BRD3: variants seen among roughly 807,000 people sequenced by gnomAD.
BRD3 encodes the protein bromodomain-containing protein 3.
BRD3 carries 17 observed loss-of-function variants against 66.8 expected under a neutral mutation model. That is an observed-to-expected ratio of 0.25 (90% CI 0.17 to 0.38). The LOEUF (loss-of-function observed/expected upper bound fraction) is 0.38, where lower values mean the gene tolerates loss of function less well. Ranked by LOEUF, BRD3 falls within the 10% of genes least tolerant of loss-of-function variation. BRD3 has a pLI of 1.00. For missense variants in BRD3, 713 were observed against 956.1 expected (o/e 0.75, Z 3.35); for synonymous variants, 421 against 393.2 (o/e 1.07, Z -0.84).
chr9:134,055,050 G>A (rs1830387205), intron 1 of BRD3, among the ~76,000 whole-genome samples: 1 of 152,106 alleles, frequency 6.6e-6, no homozygotes. Context: ...GTGAGCGGGT[G>A]CCTCTCCACC....
chr9:134,067,911 C>G (rs1830706327), intron 1 of BRD3, 34 bp downstream of exon 1: 3 of 145,614 alleles, frequency 2.1e-5, no homozygotes, highest in African/African-American at 7.4e-5. Context: ...CGCCCGCCGC[C>G]CCGCGCGCGC....
chr9:134,063,107 AG>A (rs1830578656), intron 1 of BRD3, among the ~76,000 whole-genome samples: 1 of 152,224 alleles, frequency 6.6e-6, no homozygotes, highest in Non-Finnish European at 1.5e-5. Flanking sequence ...AGCCAGGACA[AG>A]GGGCCAGCAG....
At chr9:134,040,377 A>G in intron 8 of BRD3, 108 bp from the exon 9 acceptor site, 1 of 1,302,360 alleles carries the variant, frequency 7.7e-7, no homozygotes, top group Non-Finnish European at 1.0e-6. Flanking sequence ...GAGCTGCCTC[A>G]GCTGGGTGAG....
In BRD3 at chr9:134,048,060, G is replaced by C. The variant is rs763855022; in HGVS notation, c.1086+23C>G. 5.2e-6 allele frequency: 8 copies of C among 1,542,378 alleles called. No homozygotes were observed. The South Asian group carries it at 1.0e-4, about 19-fold the overall frequency. ...AGAGCCGCAGGACATGGGCAGAGCA[G>C]GGCCTGCCGCGCGGCCACGTACTTT... On this transcript the variant is annotated intron_variant, in intron 6 of 11. Coordinates refer to ENST00000303407, the MANE Select transcript of BRD3 (RefSeq NM_007371.4).
chr9:134,045,391 C>G lies in BRD3; in HGVS notation c.1117G>C (p.Ala373Pro). 6.2e-7 allele frequency: 1 copy of G among 1,613,638 alleles called. No individual in the cohort carries two copies. The highest frequency in any genetic ancestry group is 8.5e-7 in the Non-Finnish European group (1 of 1,179,992). The change falls in exon 7 of 12, where the codon GCA (alanine) becomes CCA (proline). Residue 373 changes from alanine (A) to proline (P), a missense_variant. Physicochemically the swap from Ala to Pro is conservative, Grantham distance 27. Transcript: ENST00000303407. This position sits in a 1 kb window ranked among gnomAD's most constrained non-coding sequence, Gnocchi z 4.8. ...RKMDGREYPD[A>P]QGFAADVRLM... Reference sequence around the variant, plus strand: ...CGGACATCAGCAGCAAAGCCCTGTGCGTCTGGGTACTCTCGGCCATCCATC... The same window carrying G: ...CGGACATCAGCAGCAAAGCCCTGTGGGTCTGGGTACTCTCGGCCATCCATC...
At chr9:134,060,621 C>CAT (rs1491215754) in intron 1 of BRD3, among the ~76,000 whole-genome samples, 5 of 148,092 alleles carry the variant, frequency 3.4e-5, no homozygotes, top group Middle Eastern at 3.2e-3. Flanking sequence ...CACACACACA[C>CAT]GATCTGGAAT....
At position 134,033,818 on chromosome 9, in the gene BRD3, C is replaced by T; in HGVS notation, c.2066-113G>A. 1 of 599,382 alleles carries T rather than the reference C, an allele frequency of 1.7e-6. No individual in the cohort carries two copies. Among genetic ancestry groups the T allele is most frequent in the Non-Finnish European group, 3.0e-6 (1 of 333,632 alleles). 37.1% of individuals were successfully genotyped at this position (599,382 alleles called of 1,614,324 possible). A position where few individuals can be genotyped will look rare whatever the true frequency, so the allele number is the denominator to read the frequency against. Reference sequence around the variant, plus strand: ...CACACTGGGTGCCACGACCCACCCACTTCCTGACCCAGTCGTTTAATAAGT... The same window carrying T: ...CACACTGGGTGCCACGACCCACCCATTTCCTGACCCAGTCGTTTAATAAGT... On this transcript the variant is annotated intron_variant, in intron 11 of 11. Coordinates refer to ENST00000303407, the MANE Select transcript of BRD3 (RefSeq NM_007371.4). The surrounding 1 kb of genome is among the most constrained non-coding windows in gnomAD (Gnocchi z 5.1).
At chr9:134,066,073 C>A (rs1258506051) in intron 1 of BRD3, among the ~76,000 whole-genome samples, 1 of 152,140 alleles carries the variant, frequency 6.6e-6, no homozygotes, top group Non-Finnish European at 1.5e-5. Flanking sequence ...AAAAACAAAA[C>A]AAAAATAAAA....
intron 7 of BRD3, among the ~76,000 whole-genome samples, chr9:134,043,047 G>A (rs942413481): frequency 2.0e-5 from 3 of 152,110 alleles, no homozygotes; most frequent in African/African-American, 7.2e-5. Context: ...CACCATGTTG[G>A]CCAGGCTGTT....
rs1406643525 is a variant in BRD3, at chr9:134,051,891, T to G, written c.352-182A>C. On this transcript the variant is annotated intron_variant, in intron 3 of 11. Transcript: ENST00000303407. Reference sequence around the variant, plus strand: ...TGTGTGTGTGTGTTGTTTTTTTTGTTTTTTTTTTTTTTTTTTTGAGATGGA... The same window carrying G: ...TGTGTGTGTGTGTTGTTTTTTTTGTGTTTTTTTTTTTTTTTTTGAGATGGA... Among the ~76,000 whole-genome samples, 94 of 101,326 alleles carry G rather than the reference T, an allele frequency of 9.3e-4. 2 individuals are homozygous for G. The highest frequency in any genetic ancestry group is 1.4e-3 in the Non-Finnish European group (72 of 52,422). 66.5% of individuals were successfully genotyped at this position (101,326 alleles called of 152,430 possible). A position where few individuals can be genotyped will look rare whatever the true frequency, so the allele number is the denominator to read the frequency against.
rs1394679350 is a variant in BRD3 at position 134,030,505 on chromosome 9, G to C, written c.*3085C>G. ...AACTGACATTTACAGGAATATACTA[G>C]AAACGGCACTAAAAAGTTTAAGAAA... On this transcript the variant is annotated 3_prime_UTR_variant, in exon 12 of 12. Transcript: ENST00000303407. The C allele has an allele frequency of 4.9e-6, 1 of 203,020 alleles. No individual in the cohort carries two copies. Among genetic ancestry groups the C allele is most frequent in the Non-Finnish European group, 1.0e-5 (1 of 99,190 alleles). 12.6% of individuals were successfully genotyped at this position (203,020 alleles called of 1,614,324 possible).
At chr9:134,042,690 C>T (rs1588279855) in intron 7 of BRD3, among the ~76,000 whole-genome samples, 1 of 133,972 alleles carries the variant, frequency 7.5e-6, no homozygotes, top group Admixed American at 7.7e-5. Context: ...CACACACACA[C>T]ATATACACAC....
At chr9:134,046,378 C>G (rs940661515) in intron 6 of BRD3, among the ~76,000 whole-genome samples, 1 of 152,186 alleles carries the variant, frequency 6.6e-6, no homozygotes, top group Non-Finnish European at 1.5e-5. Flanking sequence ...GGACGACACA[C>G]GCAAGGGCAA....
chr9:134,045,211 C>T lies in BRD3; in HGVS notation c.1215+82G>A. ...AAGGCCTTCCTCGGCTGGACATTCACCTGGGCGCTTACCCCACACTGAGGC... is the reference window on the plus strand; with the variant it reads ...AAGGCCTTCCTCGGCTGGACATTCATCTGGGCGCTTACCCCACACTGAGGC... On this transcript the variant is annotated intron_variant, in intron 7 of 11. Transcript: ENST00000303407. This position sits in a 1 kb window ranked among gnomAD's most constrained non-coding sequence, Gnocchi z 4.8. The T allele has an allele frequency of 6.4e-7, 1 of 1,565,962 alleles. No homozygotes were observed.
intron 1 of BRD3, among the ~76,000 whole-genome samples, chr9:134,065,926 C>T (rs1011686049): frequency 6.6e-6 from 1 of 152,244 alleles, no homozygotes; most frequent in African/African-American, 2.4e-5. Context: ...TGCACACCCC[C>T]ACTTTCACTT....
intron 1 of BRD3, 143 bp downstream of exon 1, chr9:134,067,802 G>GCGGCCC (rs1830701661): frequency 6.9e-6 from 1 of 144,276 alleles, no homozygotes; most frequent in Non-Finnish European, 1.5e-5. Flanking sequence ...GGCGGCGGCG[G>GCGGCCC]CGGCCCCGGG....
chr9:134,053,323 T>C lies in BRD3; in HGVS notation c.155A>G (p.Lys52Arg). The part of the protein sequence containing the change: ...MQNVVVKTLW[K>R]HQFAWPFYQP... Reference sequence around the variant, plus strand: ...GTAGAAGGGCCAGGCGAACTGGTGTTTCCAGAGCGTCTTCACCACCACATT... The same window carrying C: ...GTAGAAGGGCCAGGCGAACTGGTGTCTCCAGAGCGTCTTCACCACCACATT... The change falls in exon 2 of 12, where the codon AAA (lysine) becomes AGA (arginine). Residue 52 changes from lysine (K) to arginine (R), a missense_variant. This residue lies in a region of BRD3 where 85 missense variants were observed against 152.4 expected (regional missense o/e 0.56). Coordinates refer to ENST00000303407, the MANE Select transcript of BRD3 (RefSeq NM_007371.4). 1.9e-6 allele frequency: 3 copies of C among 1,613,726 alleles called. No individual in the cohort carries two copies. The highest frequency in any genetic ancestry group is 2.5e-6 in the Non-Finnish European group (3 of 1,180,004).
At chr9:134,048,531 G>C in intron 5 of BRD3, 77 bp from the exon 6 acceptor site, 1 of 1,579,756 alleles carries the variant, frequency 6.3e-7, no homozygotes, top group Non-Finnish European at 8.6e-7. Context: ...CGCGTTTCTG[G>C]GGCACTGTCT....
intron 1 of BRD3, among the ~76,000 whole-genome samples, chr9:134,067,042 TCA>T (rs1456369318): frequency 2.0e-5 from 3 of 151,876 alleles, no homozygotes; most frequent in African/African-American, 7.3e-5. Flanking sequence ...CCAGCTTTAT[TCA>T]CAGAGAGCCC....
Sources: allele counts gnomAD v4.1 joint callset (sites outside exome capture counted in the v4.1 genomes callset), GRCh38; gene constraint gnomAD v4.1.1; regional missense constraint gnomAD v4.1.1; non-coding constraint Gnocchi (gnomAD v3.1); transcripts MANE v1.5; gene names NCBI Gene and HGNC (gene_info 2026-07-23, HGNC 2026-07-21).